Variants in GPC3 observed in about 807,000 individuals in gnomAD.
The protein encoded by GPC3 is glypican 3.
In GPC3, 3 loss-of-function variants were observed where a neutral mutation model predicts 34.4. The observed-to-expected ratio is 0.09, with a 90% confidence interval of 0.04 to 0.23. The LOEUF (loss-of-function observed/expected upper bound fraction) is 0.23. Ranked by LOEUF, GPC3 falls within the 10% of genes least tolerant of loss-of-function variation. GPC3 has a pLI of 1.00. For missense variants in GPC3, 351 were observed against 445.6 expected (o/e 0.79, Z 1.91); for synonymous variants, 177 against 174.0 (o/e 1.02, Z -0.13).
At chrX:133,576,232 T>TTTTG (rs760162741) in intron 7 of GPC3, among the ~76,000 whole-genome samples, 12 of 110,401 alleles carry the variant, frequency 1.1e-4, no homozygotes, top group South Asian at 7.9e-4. Flanking sequence ...AGCTCTGTTT[T>TTTTG]TTTGTTTGTT....
At chrX:133,564,236 C>A (rs915789396) in intron 7 of GPC3, among the ~76,000 whole-genome samples, 1 of 110,925 alleles carries the variant, frequency 9.0e-6, no homozygotes, top group Admixed American at 9.6e-5. Context: ...TTTTTGTTCC[C>A]CTCTTGATGT....
At chrX:133,801,659 CAAGGGA>C (rs2124519682) in intron 2 of GPC3, among the ~76,000 whole-genome samples, 1 of 112,152 alleles carries the variant, frequency 8.9e-6, no homozygotes, top group Admixed American at 9.5e-5. Flanking sequence ...GGTTTCATTT[CAAGGGA>C]TTTTAATTAA....
chrX:133,759,602 AAAATT>A (rs2071766031), intron 2 of GPC3, among the ~76,000 whole-genome samples: 1 of 112,451 alleles, frequency 8.9e-6, no homozygotes, highest in Non-Finnish European at 1.9e-5. Context: ...CACCTTTCAT[AAAATT>A]AAGTCAAATA....
intron 7 of GPC3, among the ~76,000 whole-genome samples, chrX:133,574,409 A>G (rs188794993): frequency 6.2e-5 from 7 of 112,255 alleles, no homozygotes; most frequent in African/African-American, 2.3e-4. Flanking sequence ...GATATTTTAT[A>G]GAAAGCCATA....
intron 3 of GPC3, among the ~76,000 whole-genome samples, chrX:133,737,724 G>A (rs1317355105): frequency 9.0e-6 from 1 of 111,207 alleles, no homozygotes; most frequent in Non-Finnish European, 1.9e-5. Context: ...TACCTATTAC[G>A]TGTAAGATGA....
intron 2 of GPC3, among the ~76,000 whole-genome samples, chrX:133,808,202 C>G (rs1240920160): frequency 8.9e-6 from 1 of 112,282 alleles, no homozygotes; most frequent in Non-Finnish European, 1.9e-5. Flanking sequence ...CACATAAAAG[C>G]AAACATTAAA....
At chrX:133,895,080 A>G (rs1334165359) in intron 2 of GPC3, among the ~76,000 whole-genome samples, 1 of 112,157 alleles carries the variant, frequency 8.9e-6, no homozygotes, top group Non-Finnish European at 1.9e-5. Flanking sequence ...TAGTGAAGGA[A>G]TCACCAGACC....
intron 1 of GPC3, 98 bp from the exon 2 acceptor site, chrX:133,953,309 TGGCAAACAG>T (rs910133424): frequency 1.7e-5 from 11 of 650,904 alleles, no homozygotes; most frequent in Admixed American, 1.4e-4. Flanking sequence ...CACTCACACA[TGGCAAACAG>T]GGCAAACAAT....
intron 3 of GPC3, among the ~76,000 whole-genome samples, chrX:133,744,178 T>C (rs1009135955): frequency 2.7e-5 from 3 of 111,731 alleles, no homozygotes; most frequent in Non-Finnish European, 5.6e-5. Flanking sequence ...CTAATTAAAC[T>C]AAAGAGCTTC....
In GPC3 at chrX:133,547,583, G is replaced by A. The variant is rs149729278; in HGVS notation, c.1574-11290C>T. Among the ~76,000 whole-genome samples the A allele has an allele frequency of 8.2e-4, 92 of 111,841 alleles. No individual in the cohort carries two copies. The East Asian group carries it at 0.022, about 26-fold the overall frequency. Reference sequence around the variant, plus strand: ...GTGCTACCCTGGAATAGCAGATATAGATAGCTCTTCAACTGGGAATGGGGA... The same window carrying A: ...GTGCTACCCTGGAATAGCAGATATAAATAGCTCTTCAACTGGGAATGGGGA... On this transcript the variant is annotated intron_variant, in intron 7 of 7. Coordinates refer to ENST00000370818, the MANE Select transcript of GPC3 (RefSeq NM_004484.4).
chrX:133,837,250 G>T (rs763695460), intron 2 of GPC3, among the ~76,000 whole-genome samples: 7 of 111,368 alleles, frequency 6.3e-5, no homozygotes, highest in Non-Finnish European at 1.3e-4. Context: ...TACTGCTACT[G>T]CTGTGAGTAA....
At chrX:133,557,314 T>C (rs1404411539) in intron 7 of GPC3, among the ~76,000 whole-genome samples, 3 of 110,648 alleles carry the variant, frequency 2.7e-5, no homozygotes, top group African/African-American at 9.9e-5. Flanking sequence ...AAAATAAAAA[T>C]AAATAAATAA....
At chrX:133,909,695 C>T (rs377736057) in intron 2 of GPC3, among the ~76,000 whole-genome samples, 12 of 111,284 alleles carry the variant, frequency 1.1e-4, no homozygotes, top group East Asian at 8.5e-4. Context: ...CTCTAAAGAG[C>T]CTAATAAACC....
At position 133,753,968 on chromosome X, in the gene GPC3, T is replaced by C. The variant is rs1386413066; in HGVS notation, c.546A>G (p.Leu182=). The part of the protein sequence containing the change: ...DSLFPVIYTQ[L]MNPGLPDSAL... ...CTGAATCAGGCAGGCCTGGGTTCAT[T>C]AGCTGGGTATAGATGACTGGAAACA... The change falls in exon 3 of 8, where the codon CTA becomes CTG. Residue 182 remains leucine, a synonymous_variant. Coordinates refer to ENST00000370818, the MANE Select transcript of GPC3 (RefSeq NM_004484.4). 8.3e-7 allele frequency: 1 copy of C among 1,210,472 alleles called. No homozygotes were observed. Among genetic ancestry groups the C allele is most frequent in the East Asian group, 3.0e-5 (1 of 33,818 alleles).
rs149096803 is a variant in GPC3, at chrX:133,688,075, C to T, written c.1292+4294G>A. On this transcript the variant is annotated intron_variant, in intron 5 of 7. Transcript: ENST00000370818. Reference sequence around the variant, plus strand: ...CAAAGACATTTACTTATTGTGAAGCCCAGTGTTAACTCAGCAATCTGGGTT... The same window carrying T: ...CAAAGACATTTACTTATTGTGAAGCTCAGTGTTAACTCAGCAATCTGGGTT... Among the ~76,000 whole-genome samples, 7 of 112,003 alleles carry T rather than the reference C, an allele frequency of 6.2e-5. No individual in the cohort carries two copies. The East Asian group carries it at 2.0e-3, about 31-fold the overall frequency.
intron 1 of GPC3, 54 bp downstream of exon 1, chrX:133,985,221 C>G (rs961844658): frequency 1.7e-6 from 2 of 1,171,882 alleles, no homozygotes; most frequent in Non-Finnish European, 1.2e-6. Context: ...ACAGCCACCA[C>G]GCGCGCCTTG....
chrX:133,650,356 C>T (rs2070587126), intron 6 of GPC3, among the ~76,000 whole-genome samples: 1 of 109,856 alleles, frequency 9.1e-6, no homozygotes, highest in Non-Finnish European at 1.9e-5. Context: ...CTAAGCTGTA[C>T]TCCAAGGGCA....
At chrX:133,635,982 C>T (rs990847312) in intron 6 of GPC3, among the ~76,000 whole-genome samples, 11 of 111,131 alleles carry the variant, frequency 9.9e-5, no homozygotes, top group African/African-American at 3.6e-4. Context: ...TTTTCATTTC[C>T]CTATCTCTAA....
chrX:133,738,661 C>T (rs983787026), intron 3 of GPC3, among the ~76,000 whole-genome samples: 2 of 111,914 alleles, frequency 1.8e-5, no homozygotes, highest in African/African-American at 6.5e-5. Flanking sequence ...CTTGAGTCTT[C>T]CCTCTATTCC....
Sources: gnomAD v4.1 joint callset for allele counts (sites outside exome capture counted in the v4.1 genomes callset) on GRCh38, gnomAD v4.1.1 for gene constraint, MANE v1.5 for transcripts, NCBI Gene and HGNC (gene_info 2026-07-23, HGNC 2026-07-21) for gene names.